The following ZFHX2 variants were observed in gnomAD, a reference collection of about 807,000 sequenced individuals.
ZFHX2 encodes zinc finger homeobox protein 2.
Under a neutral mutation model 164.8 loss-of-function variants are expected in ZFHX2, and 75 were observed. That is an observed-to-expected ratio of 0.46 (90% CI 0.38 to 0.55). The LOEUF (loss-of-function observed/expected upper bound fraction) is 0.55, where lower values mean the gene tolerates loss of function less well. Among genes scored for constraint, ZFHX2 ranks in the 20% least tolerant of loss-of-function variants. The probability of loss-of-function intolerance (pLI) is 0.00; values close to 1 mark genes in which losing one functional copy is unlikely to be tolerated. For missense variants in ZFHX2, 2,933 were observed against 3,308.0 expected, an observed-to-expected ratio of 0.89 and a Z score of 2.78; for synonymous variants, 1,217 against 1,351.4, an observed-to-expected ratio of 0.90 and a Z score of 2.18.
chr14:23,530,325 G>A (rs1048772376), intron 4 of ZFHX2, 131 bp from the exon 5 acceptor site: 16 of 757,074 alleles, frequency 2.1e-5, no homozygotes, highest in Non-Finnish European at 3.4e-5. Flanking sequence ...GCAGGTAGGA[G>A]AGTATGAAAA....
intron 7 of ZFHX2, 74 bp downstream of exon 7, chr14:23,527,530 C>A: frequency 6.6e-7 from 1 of 1,512,066 alleles, no homozygotes; most frequent in Non-Finnish European, 8.9e-7. Context: ...GCCTGAATAC[C>A]CCTGCCTCTT....
rs1398579766 is a variant in ZFHX2 at position 23,522,608 on chromosome 14, G to A, written c.7073C>T (p.Pro2358Leu). ...TAGCTGGGGGCCAAAGACAGCTGGC[G>A]GTGCTGTTCCCCCAGCAGGGGGCAA... The part of the protein sequence containing the change: ...FPLPPAGGTA[P>L]PAVFGPQLQG... Residue 2358 changes from proline (P) to leucine (L), a missense_variant, in exon 10 of 10, where the codon CCG (proline) becomes CTG (leucine). Coordinates refer to ENST00000419474, the MANE Select transcript of ZFHX2 (RefSeq NM_033400.3). 65 of 1,531,430 alleles carry A rather than the reference G, an allele frequency of 4.2e-5. No homozygotes were observed. The highest frequency in any genetic ancestry group is 2.6e-4 in the Admixed American group (13 of 50,566). 94.9% of individuals were successfully genotyped at this position (1,531,430 alleles called of 1,614,324 possible). A position where few individuals can be genotyped will look rare whatever the true frequency, so the allele number is the denominator to read the frequency against.
chr14:23,552,638 G>A (rs1595204243), upstream of ZFHX2, among the ~76,000 whole-genome samples: 3 of 151,774 alleles, frequency 2.0e-5, no homozygotes, highest in Admixed American at 2.0e-4. Context: ...GAGTCACTCT[G>A]TCGCCCAGGC....
At chr14:23,532,344 G>A (rs984042822) in intron 3 of ZFHX2, 20 of 509,996 alleles carry the variant, frequency 3.9e-5, no homozygotes, top group Non-Finnish European at 2.8e-5. Flanking sequence ...CACCAGAAGA[G>A]CTGAATAAAG....
intron 1 of ZFHX2, chr14:23,542,145 T>G (rs768892854): frequency 6.6e-6 from 1 of 152,344 alleles, no homozygotes; most frequent in Non-Finnish European, 1.5e-5. Context: ...TTGCATATAT[T>G]GAATCTTTTC....
intron 1 of ZFHX2, among the ~76,000 whole-genome samples, chr14:23,550,218 A>T (rs534337833): frequency 6.6e-6 from 1 of 152,326 alleles, no homozygotes; most frequent in African/African-American, 2.4e-5. Context: ...TTCTCTGGTG[A>T]TGGTGGAAGA....
Position 23,521,990 on chromosome 14 carries a change from G to C in ZFHX2, c.7691C>G (p.Thr2564Arg). Residue 2564 changes from threonine to arginine, a missense_variant, in exon 10 of 10, where the codon ACG becomes AGG. Physicochemically the swap from Thr to Arg is moderately conservative, Grantham distance 71. Coordinates refer to ENST00000419474, the MANE Select transcript of ZFHX2 (RefSeq NM_033400.3). Reference protein sequence around the residue: ...LPHTDSNPKTTTTSTLLAL With the variant: ...LPHTDSNPKTRTTSTLLAL ...TAAAGCTAGAAGTGTAGAGGTAGTC[G>C]TAGTTTTTGGGTTGGAGTCCGTGTG... 1 of 1,536,404 alleles carries C rather than the reference G, an allele frequency of 6.5e-7. No homozygotes were observed.
At chr14:23,530,593 G>A (rs998552024) in intron 4 of ZFHX2, 16 of 392,838 alleles carry the variant, frequency 4.1e-5, no homozygotes, top group Non-Finnish European at 6.3e-5. Context: ...GCAGTGAGCA[G>A]GAAGTGGCAG....
Position 23,521,812 on chromosome 14 carries a change from T to C in ZFHX2, c.*150A>G, listed in dbSNP as rs1878030035. 1.5e-6 allele frequency: 2 copies of C among 1,340,704 alleles called. No individual in the cohort carries two copies. Among genetic ancestry groups the C allele is most frequent in the South Asian group, 1.5e-5 (1 of 65,552 alleles). 83.1% of individuals were successfully genotyped at this position (1,340,704 alleles called of 1,614,324 possible). A position where few individuals can be genotyped will look rare whatever the true frequency, so the allele number is the denominator to read the frequency against. On this transcript the variant is annotated 3_prime_UTR_variant, in exon 10 of 10. Transcript: ENST00000419474. ...AGGACTCTGCTGGAAGTGGGGTGTG[T>C]GGTGCCCACTGAGGGTGGGAACTGA...
At chr14:23,548,081 A>G (rs1017940250) in intron 1 of ZFHX2, among the ~76,000 whole-genome samples, 2 of 152,114 alleles carry the variant, frequency 1.3e-5, no homozygotes, top group Non-Finnish European at 2.9e-5. Context: ...TCTGCATTCT[A>G]GCTTTAGTCT....
At chr14:23,532,408 C>CA (rs2138773585) in intron 3 of ZFHX2, 159 bp downstream of exon 3, 1 of 853,124 alleles carries the variant, frequency 1.2e-6, no homozygotes, top group East Asian at 3.0e-5. Context: ...CCATGTCTGT[C>CA]ACTTTGTTAC....
intron 6 of ZFHX2, 75 bp from the exon 7 acceptor site, chr14:23,527,879 C>T: frequency 3.4e-6 from 4 of 1,173,452 alleles, no homozygotes; most frequent in Non-Finnish European, 4.8e-6. Flanking sequence ...CCTTTGGATG[C>T]AGCACTGGCC....
chr14:23,535,425 C>G lies in ZFHX2; in HGVS notation c.-49-51G>C. Reference sequence around the variant, plus strand: ...TGCTGTGAGGCTGCAGGGACCCCAGCTGGGCAGCTGGATCTCTGGATACTC... The same window carrying G: ...TGCTGTGAGGCTGCAGGGACCCCAGGTGGGCAGCTGGATCTCTGGATACTC... On this transcript the variant is annotated intron_variant, in intron 1 of 9. Coordinates refer to ENST00000419474, the MANE Select transcript of ZFHX2 (RefSeq NM_033400.3). This position sits in a 1 kb window ranked among gnomAD's most constrained non-coding sequence, Gnocchi z 4.5. 7.3e-7 allele frequency: 1 copy of G among 1,375,924 alleles called. No individual in the cohort carries two copies. The highest frequency in any genetic ancestry group is 1.8e-5 in the South Asian group (1 of 54,442). The allele number at this position is 1,375,924 out of a possible 1,614,324, so 85.2% of individuals were successfully genotyped here. A position where few individuals can be genotyped will look rare whatever the true frequency, so the allele number is the denominator to read the frequency against.
At position 23,546,692 on chromosome 14, in the gene ZFHX2, C is replaced by A. The variant is rs7144469; in HGVS notation, c.-50+4651G>T. On this transcript the variant is annotated intron_variant, in intron 1 of 9. Transcript: ENST00000419474. This position sits in a 1 kb window ranked among gnomAD's most constrained non-coding sequence, Gnocchi z 4.7. ...GGGCTCTGGGAAAGTGGGTGGTGGG[C>A]TGACCGAGCTTAGTGTGAGGAGCTC... is the stretch of plus-strand genomic sequence containing the variant. Among the ~76,000 whole-genome samples, 56,576 of 151,976 alleles carry A rather than the reference C, an allele frequency of 0.37. 12,184 individuals are homozygous for A. The highest frequency in any genetic ancestry group is 0.6 in the African/African-American group (24,713 of 41,402).
chr14:23,538,329 C>T (rs1595173345), intron 1 of ZFHX2, among the ~76,000 whole-genome samples: 1 of 151,006 alleles, frequency 6.6e-6, no homozygotes, highest in East Asian at 2.0e-4. Flanking sequence ...AACCCCAACT[C>T]CCCATCCCCC....
intron 1 of ZFHX2, among the ~76,000 whole-genome samples, chr14:23,544,559 G>C (rs900100506): frequency 6.6e-6 from 1 of 152,180 alleles, no homozygotes; most frequent in Non-Finnish European, 1.5e-5. Flanking sequence ...CCATGTACAC[G>C]TGTGTGGGCC....
At chr14:23,554,874 A>G (rs113285324), upstream of ZFHX2, among the ~76,000 whole-genome samples, 31 of 152,338 alleles carry the variant, frequency 2.0e-4, 1 homozygote, top group African/African-American at 7.5e-4. Flanking sequence ...AAGGTCAGAC[A>G]TATAGTTAGA....
chr14:23,530,404 A>G, intron 4 of ZFHX2: 1 of 681,680 alleles, frequency 1.5e-6, no homozygotes. Context: ...GTAGGGCCTA[A>G]GAGATCATTT....
chr14:23,535,227 G>A lies in ZFHX2; in HGVS notation c.99C>T (p.Pro33=). 2 of 1,524,292 alleles carry A rather than the reference G, an allele frequency of 1.3e-6. No individual in the cohort carries two copies. The highest frequency in any genetic ancestry group is 1.8e-6 in the Non-Finnish European group (2 of 1,137,466). 94.4% of individuals were successfully genotyped at this position (1,524,292 alleles called of 1,614,324 possible). ...GGGGATCTTTGGTGACAGGATCAGA[G>A]GGGGTGCTGGAGGAGAAGGTGTCCG... ...LPSDTFSSST[P]SDPVTKDPPA... is the part of the protein sequence containing the mutation. Residue 33 remains proline (P), a synonymous_variant, in exon 2 of 10, where the codon CCC becomes CCT. Transcript: ENST00000419474. The surrounding 1 kb of genome is among the most constrained non-coding windows in gnomAD (Gnocchi z 4.5).
Sources: gnomAD v4.1 joint callset for allele counts (sites outside exome capture counted in the v4.1 genomes callset) on GRCh38, gnomAD v4.1.1 for gene constraint, Gnocchi (gnomAD v3.1) non-coding constraint, MANE v1.5 for transcripts, NCBI Gene and HGNC (gene_info 2026-07-23, HGNC 2026-07-21) for gene names.